The following VIT variants were observed in gnomAD, a reference collection of about 807,000 sequenced individuals.
VIT encodes vitrin.
A neutral mutation model predicts 78.0 loss-of-function variants in VIT; 99 were observed. That is an observed-to-expected ratio of 1.27 (90% CI 1.08 to 1.50). The LOEUF (loss-of-function observed/expected upper bound fraction) is 1.50. Among genes scored for constraint, VIT ranks in the 40% most tolerant of loss-of-function variants. The pLI is 0.00. For synonymous variants in VIT, 374 were observed against 334.3 expected, an observed-to-expected ratio of 1.12 and a Z score of -1.29; for missense variants, 1,126 against 875.3, an observed-to-expected ratio of 1.29 and a Z score of -3.61.
intron 1 of VIT, among the ~76,000 whole-genome samples, chr2:36,697,338 T>C (rs889373377): frequency 6.6e-6 from 1 of 152,220 alleles, no homozygotes; most frequent in Non-Finnish European, 1.5e-5. Flanking sequence ...TTGGAATATG[T>C]GGAATGTAAT....
chr2:36,771,209 A>G (rs942888236), intron 7 of VIT, among the ~76,000 whole-genome samples: 1 of 97,480 alleles, frequency 1.0e-5, no homozygotes, highest in Non-Finnish European at 2.5e-5. Flanking sequence ...AAGAACTACA[A>G]ATGGCCAATA....
chr2:36,702,416 TA>T (rs1553358428), intron 1 of VIT, among the ~76,000 whole-genome samples: 1 of 151,340 alleles, frequency 6.6e-6, no homozygotes, highest in African/African-American at 2.4e-5. Context: ...TTTTTTTTTT[TA>T]AAAAAGACCC....
In VIT at chr2:36,743,849, G is replaced by T. The variant is rs1558532858; in HGVS notation, c.275+593G>T. Reference sequence around the variant, plus strand: ...TTTAGATTCCAGGAGTACATGTGCAGGTTTGTTACAAAGGCATATTACATG... The same window carrying T: ...TTTAGATTCCAGGAGTACATGTGCATGTTTGTTACAAAGGCATATTACATG... On this transcript the variant is annotated intron_variant, in intron 4 of 15. Transcript: ENST00000379242. Among the ~76,000 whole-genome samples, 4 of 151,966 alleles carry T rather than the reference G, an allele frequency of 2.6e-5. No homozygotes were observed. In the East Asian group the frequency reaches 5.8e-4, roughly 22 times the overall value.
At chr2:36,803,183 C>A (rs927846192) in intron 13 of VIT, among the ~76,000 whole-genome samples, 4 of 152,180 alleles carry the variant, frequency 2.6e-5, no homozygotes, top group Admixed American at 2.6e-4. Context: ...AGCAACCAAC[C>A]CCAAGCACCT....
chr2:36,753,795 G>A (rs558558323), intron 4 of VIT, among the ~76,000 whole-genome samples: 2 of 152,308 alleles, frequency 1.3e-5, no homozygotes, highest in East Asian at 1.9e-4. Context: ...AGAAGAGAGC[G>A]AGTGAGGAGG....
At chr2:36,774,777 G>A (rs562988112) in intron 8 of VIT, 636 of 985,386 alleles carry the variant, frequency 6.5e-4, no homozygotes, top group Non-Finnish European at 7.4e-4. Flanking sequence ...CTACAGACTC[G>A]TGGGACTCTA....
chr2:36,743,391 T>C, intron 4 of VIT, 135 bp downstream of exon 4: 1 of 1,022,614 alleles, frequency 9.8e-7, no homozygotes, highest in Non-Finnish European at 1.3e-6. Flanking sequence ...TTAATCTTCA[T>C]TTAAAAAGTG....
At chr2:36,699,621 TATAGGTAGATAG>T (rs1664911218) in intron 1 of VIT, among the ~76,000 whole-genome samples, 1 of 108,016 alleles carries the variant, frequency 9.3e-6, no homozygotes, top group African/African-American at 3.8e-5. Context: ...TAGATAGATA[TATAGGTAGATAG>T]ATAGATAGAT....
chr2:36,733,761 T>C (rs1029666519), intron 3 of VIT, among the ~76,000 whole-genome samples: 2 of 152,320 alleles, frequency 1.3e-5, no homozygotes, highest in African/African-American at 4.8e-5. Flanking sequence ...GCCGGAGCCC[T>C]GGCATTGTAA....
Position 36,728,834 on chromosome 2 carries a change from A to AAAAAAAAAAAAAAAAG in VIT, c.53-590_53-589insAAAAAAAAAAAAAGAA, listed in dbSNP as rs761254776. On this transcript the variant is annotated intron_variant, in intron 2 of 15. Coordinates refer to ENST00000379242, the MANE Select transcript of VIT (RefSeq NM_053276.4). Reference sequence around the variant, plus strand: ...TCTCAAAAAAAAAAAAAAAAAGAAAAAAGAAAAAATATTTTTTATAAATTT... The same window carrying AAAAAAAAAAAAAAAAG: ...TCTCAAAAAAAAAAAAAAAAAGAAAAAAAAAAAAAAAAAAAGAAGAAAAAATATTTTTTATAAATTT... 2.7e-5 allele frequency among the ~76,000 whole-genome samples: 4 copies of AAAAAAAAAAAAAAAAG among 146,668 alleles called. 1 individual carries two copies. Among genetic ancestry groups the AAAAAAAAAAAAAAAAG allele is most frequent in the Non-Finnish European group, 6.0e-5 (4 of 66,246 alleles).
intron 4 of VIT, among the ~76,000 whole-genome samples, chr2:36,754,264 C>T (rs1227310187): frequency 6.6e-6 from 1 of 151,762 alleles, no homozygotes; most frequent in Non-Finnish European, 1.5e-5. Context: ...TAAGGATACC[C>T]AAAGGAGCCA....
At chr2:36,777,297 G>A (rs866874477) in intron 9 of VIT, among the ~76,000 whole-genome samples, 1 of 151,690 alleles carries the variant, frequency 6.6e-6, no homozygotes, top group Non-Finnish European at 1.5e-5. Context: ...GAACCTTTGA[G>A]AGTGCCTTAA....
intron 3 of VIT, among the ~76,000 whole-genome samples, chr2:36,729,719 G>C (rs2148484756): frequency 6.6e-6 from 1 of 152,286 alleles, no homozygotes; most frequent in East Asian, 1.9e-4. Flanking sequence ...CCCTGCACTA[G>C]GAAAACTCAA....
chr2:36,735,238 T>TA (rs1667443558), intron 3 of VIT, among the ~76,000 whole-genome samples: 1 of 152,086 alleles, frequency 6.6e-6, no homozygotes, highest in South Asian at 2.1e-4. Context: ...AACAAAGATA[T>TA]AAAAAAGCAA....
chr2:36,743,522 C>A (rs1312506063), intron 4 of VIT, among the ~76,000 whole-genome samples: 1 of 151,930 alleles, frequency 6.6e-6, no homozygotes, highest in Non-Finnish European at 1.5e-5. Context: ...CATTTTTTAT[C>A]TTTGCTCCTC....
At chr2:36,698,122 G>C (rs530905366) in intron 1 of VIT, among the ~76,000 whole-genome samples, 3 of 144,864 alleles carry the variant, frequency 2.1e-5, no homozygotes, top group African/African-American at 7.6e-5. Flanking sequence ...AAAAGCTTTA[G>C]ACAAAGAATT....
At chr2:36,760,184 G>A (rs914279487) in intron 6 of VIT, among the ~76,000 whole-genome samples, 1 of 151,740 alleles carries the variant, frequency 6.6e-6, no homozygotes, top group African/African-American at 2.4e-5. Context: ...TAGTAGAGAC[G>A]GGGTTTCACC....
At chr2:36,801,654 A>G (rs1420795772) in intron 13 of VIT, among the ~76,000 whole-genome samples, 2 of 152,044 alleles carry the variant, frequency 1.3e-5, no homozygotes, top group Non-Finnish European at 2.9e-5. Context: ...CTAAAAATAC[A>G]AAAATTAGCT....
chr2:36,747,255 T>G (rs1668192391), intron 4 of VIT, among the ~76,000 whole-genome samples: 1 of 152,184 alleles, frequency 6.6e-6, no homozygotes, highest in Non-Finnish European at 1.5e-5. Flanking sequence ...TATGTGCAGA[T>G]GAGAAGAATG....
Sources: allele counts gnomAD v4.1 joint callset (sites outside exome capture counted in the v4.1 genomes callset), GRCh38; gene constraint gnomAD v4.1.1; transcripts MANE v1.5; gene names NCBI Gene and HGNC (gene_info 2026-07-23, HGNC 2026-07-21).